PCDHA3: variants seen among roughly 807,000 people sequenced by gnomAD.
PCDHA3 encodes the protein protocadherin alpha-3.
PCDHA3 carries 41 observed loss-of-function variants against 62.2 expected under a neutral mutation model. That is an observed-to-expected ratio of 0.66 (90% CI 0.51 to 0.86). The LOEUF is 0.86. Among genes scored for constraint, PCDHA3 ranks in the 40% least tolerant of loss-of-function variants. The pLI, the probability that PCDHA3 is intolerant of heterozygous loss-of-function variation, is 0.00. For missense variants in PCDHA3, 1,304 were observed against 1,241.2 expected (o/e 1.05, Z -0.76); for synonymous variants, 640 against 555.4 (o/e 1.15, Z -2.14).
intron 1 of PCDHA3, among the ~76,000 whole-genome samples, chr5:140,886,431 ATTTG>A (rs1272820447): frequency 6.6e-6 from 1 of 152,012 alleles, no homozygotes; most frequent in East Asian, 1.9e-4. Context: ...ATTTCTATTC[ATTTG>A]TTTGTACTAA....
rs1418843235 is a variant in PCDHA3 at position 140,810,477 on chromosome 5, CA to C, written c.2394+6887del. 1.8e-4 allele frequency: 27 copies of C among 152,324 alleles called. No individual in the cohort carries two copies. In the East Asian group the frequency reaches 4.6e-3, roughly 26 times the overall value. 9.4% of individuals were successfully genotyped at this position (152,324 alleles called of 1,614,324 possible). A position where few individuals can be genotyped will look rare whatever the true frequency, so the allele number is the denominator to read the frequency against. On this transcript the variant is annotated intron_variant, in intron 1 of 3. Coordinates refer to ENST00000522353, the MANE Select transcript of PCDHA3 (RefSeq NM_018906.3). ...GTGCATAAGGCTTTCTGCTGGGCCA[CA>C]TCATCTCTACATTTGTCAGGTTATT...
chr5:140,995,993 A>G (rs1017469411), intron 3 of PCDHA3, among the ~76,000 whole-genome samples: 16 of 152,226 alleles, frequency 1.1e-4, no homozygotes, highest in Non-Finnish European at 1.8e-4. Context: ...GCCACTCAAA[A>G]ATGTCGTCAG....
intron 1 of PCDHA3, chr5:140,823,703 G>C: frequency 6.2e-7 from 1 of 1,613,934 alleles, no homozygotes; most frequent in Non-Finnish European, 8.5e-7. Context: ...GAAGCACCGC[G>C]CCACCGCCTT....
intron 1 of PCDHA3, chr5:140,875,638 C>G (rs2055668574): frequency 6.2e-7 from 1 of 1,613,532 alleles, no homozygotes; most frequent in Non-Finnish European, 8.5e-7. Context: ...GGGGCTGGAG[C>G]TGGCGGAGCT....
intron 1 of PCDHA3, among the ~76,000 whole-genome samples, chr5:140,941,343 G>C (rs2093045496): frequency 8.8e-6 from 1 of 114,104 alleles, no homozygotes. Context: ...TTCAGATGGA[G>C]TCTTGCTCTG....
Position 140,877,092 on chromosome 5 carries a change from C to T in PCDHA3, c.2394+73501C>T, listed in dbSNP as rs200462899. On this transcript the variant is annotated intron_variant, in intron 1 of 3. Coordinates refer to ENST00000522353, the MANE Select transcript of PCDHA3 (RefSeq NM_018906.3). ...AGTTCCAGGTGAGCGCGCGCGACGCCGGCGTGCCGCCTCTGGGCAGCAACG... is the reference window on the plus strand; with the variant it reads ...AGTTCCAGGTGAGCGCGCGCGACGCTGGCGTGCCGCCTCTGGGCAGCAACG... The T allele has an allele frequency of 2.9e-3, 4,637 of 1,613,220 alleles. 21 individuals carry two copies. Among genetic ancestry groups the T allele is most frequent in the African/African-American group, 0.01 (785 of 75,014 alleles).
At position 140,830,439 on chromosome 5, in the gene PCDHA3, T is replaced by A. The variant is rs1771065522; in HGVS notation, c.2394+26848T>A. On this transcript the variant is annotated intron_variant, in intron 1 of 3. Coordinates refer to ENST00000522353, the MANE Select transcript of PCDHA3 (RefSeq NM_018906.3). ...AGCCTTTCACCTTGTCCTATTATGA[T>A]GGGTAAGGCGGAGAATCAGGATTTA... 1.9e-6 allele frequency: 3 copies of A among 1,611,160 alleles called. No individual in the cohort carries two copies. In the East Asian group the frequency reaches 6.7e-5, roughly 36 times the overall value.
chr5:140,988,526 G>C (rs1330767394), intron 3 of PCDHA3, among the ~76,000 whole-genome samples: 2 of 152,088 alleles, frequency 1.3e-5, no homozygotes, highest in Admixed American at 1.3e-4. Flanking sequence ...GTCTCTGCTG[G>C]CTCCATCCAT....
intron 1 of PCDHA3, among the ~76,000 whole-genome samples, chr5:140,951,349 T>C (rs1403359324): frequency 1.3e-5 from 2 of 152,144 alleles, no homozygotes; most frequent in Non-Finnish European, 2.9e-5. Flanking sequence ...GTTAGTCCAT[T>C]ATTGCACTGT....
At chr5:140,863,510 T>G (rs782817870) in intron 1 of PCDHA3, 4 of 411,506 alleles carry the variant, frequency 9.7e-6, no homozygotes, top group Admixed American at 3.0e-5. Context: ...TTAGTCCTAG[T>G]GTTCTCCCAT....
intron 1 of PCDHA3, among the ~76,000 whole-genome samples, chr5:140,899,599 C>G (rs535938234): frequency 2.0e-5 from 3 of 152,232 alleles, no homozygotes; most frequent in South Asian, 4.2e-4. Context: ...TTATTGAGGA[C>G]TTTTGCATCA....
At chr5:140,909,598 T>A (rs934160611) in intron 1 of PCDHA3, among the ~76,000 whole-genome samples, 1 of 152,198 alleles carries the variant, frequency 6.6e-6, no homozygotes, top group Non-Finnish European at 1.5e-5. Flanking sequence ...ATTTACTATT[T>A]TTCTAGGTAG....
At chr5:141,008,985 A>G (rs566679512) in intron 3 of PCDHA3, among the ~76,000 whole-genome samples, 2 of 152,240 alleles carry the variant, frequency 1.3e-5, no homozygotes, top group South Asian at 4.1e-4. Context: ...AGTTTAATCT[A>G]GACACTAAAA....
intron 1 of PCDHA3, chr5:140,876,854 C>CA (rs1554169042): frequency 6.2e-7 from 1 of 1,613,994 alleles, no homozygotes; most frequent in Non-Finnish European, 8.5e-7. Context: ...CCCGAGTACA[C>CA]AGTGTTCGTG....
At chr5:140,970,565 T>C (rs1346006828) in intron 1 of PCDHA3, among the ~76,000 whole-genome samples, 2 of 152,182 alleles carry the variant, frequency 1.3e-5, no homozygotes, top group Non-Finnish European at 2.9e-5. Flanking sequence ...TCTCCATATG[T>C]ATGCTTGAAA....
At chr5:140,924,767 C>T (rs782265529) in intron 1 of PCDHA3, among the ~76,000 whole-genome samples, 3 of 151,618 alleles carry the variant, frequency 2.0e-5, no homozygotes, top group South Asian at 2.1e-4. Flanking sequence ...TGGTGGTGCG[C>T]GCTTGTAGTC....
chr5:140,982,507 G>C lies in PCDHA3; in HGVS notation c.2486G>C (p.Arg829Pro). 6.2e-7 allele frequency: 1 copy of C among 1,614,138 alleles called. No homozygotes were observed. ...CACCTAGAGGAGGCTGGCATTCTAC[G>C]GGCTGGTCCAGGAGGGCCTGATCAG... ...SVHLEEAGIL[R>P]AGPGGPDQQW... is the part of the protein sequence containing the mutation. The change falls in exon 3 of 4, where the codon CGG becomes CCG. Residue 829 changes from arginine to proline, a missense_variant. Coordinates refer to ENST00000522353, the MANE Select transcript of PCDHA3 (RefSeq NM_018906.3).
intron 1 of PCDHA3, chr5:140,928,243 G>A: frequency 6.2e-7 from 1 of 1,614,202 alleles, no homozygotes; most frequent in South Asian, 1.1e-5. Flanking sequence ...ACCCCAGCAG[G>A]AACTTTTCGT....
intron 1 of PCDHA3, among the ~76,000 whole-genome samples, chr5:140,886,827 G>GAAA (rs782016620): frequency 3.3e-5 from 2 of 60,922 alleles, no homozygotes; most frequent in Non-Finnish European, 6.7e-5. Flanking sequence ...ACTTCGTCTT[G>GAAA]AAAAAAAAAA....
Sources: gnomAD v4.1 joint callset for allele counts (sites outside exome capture counted in the v4.1 genomes callset) on GRCh38, gnomAD v4.1.1 for gene constraint, MANE v1.5 for transcripts, NCBI Gene and HGNC (gene_info 2026-07-23, HGNC 2026-07-21) for gene names.